CDH18: variants seen among roughly 807,000 people sequenced by gnomAD.
The protein encoded by CDH18 is cadherin 18, also known as cadherin-18.
In CDH18, 31 loss-of-function variants were observed where a neutral mutation model predicts 67.9. The observed-to-expected ratio is 0.46, with a 90% confidence interval of 0.34 to 0.62. The LOEUF is 0.62. CDH18 is among the 20% of genes least tolerant of loss of function. CDH18 has a pLI of 0.01. For missense variants in CDH18, 890 were observed against 975.5 expected (o/e 0.91, Z 1.17); for synonymous variants, 362 against 347.2 (o/e 1.04, Z -0.48).
rs973433331 is a variant in CDH18, at chr5:20,538,018, C to G, written c.-580+37444G>C. 1.4e-4 allele frequency among the ~76,000 whole-genome samples: 21 copies of G among 152,116 alleles called. 1 individual carries two copies. The highest frequency in any genetic ancestry group is 6.2e-4 in the South Asian group (3 of 4,830). On this transcript the variant is annotated intron_variant, in intron 1 of 14. Transcript: ENST00000507958. ...GTATTTTAGAGAGTTAAATTTGCAG[C>G]CCATTCTATTTTTTGATAGGAAATA...
chr5:19,817,583 T>C (rs1779426211), intron 3 of CDH18, among the ~76,000 whole-genome samples: 2 of 152,044 alleles, frequency 1.3e-5, no homozygotes, highest in Admixed American at 6.6e-5. Context: ...AGAATTTGTT[T>C]AATCATTTTA....
chr5:19,753,751 G>A (rs1029659457), intron 3 of CDH18, among the ~76,000 whole-genome samples: 3 of 152,166 alleles, frequency 2.0e-5, no homozygotes, highest in Non-Finnish European at 4.4e-5. Flanking sequence ...TCCTACAAAG[G>A]AAAACCTATC....
chr5:19,669,025 T>C (rs1450249057), intron 5 of CDH18, among the ~76,000 whole-genome samples: 1 of 150,394 alleles, frequency 6.6e-6, no homozygotes, highest in Non-Finnish European at 1.5e-5. Flanking sequence ...ACACTCTGTG[T>C]CTATGTGGAC....
chr5:20,180,351 A>T (rs1737586587), intron 2 of CDH18, among the ~76,000 whole-genome samples: 2 of 152,136 alleles, frequency 1.3e-5, no homozygotes, highest in African/African-American at 4.8e-5. Flanking sequence ...GAGAATTTCT[A>T]GTCTAACCAG....
intron 2 of CDH18, among the ~76,000 whole-genome samples, chr5:19,908,077 G>T (rs981110575): frequency 2.0e-5 from 3 of 151,942 alleles, no homozygotes; most frequent in Non-Finnish European, 4.4e-5. Flanking sequence ...TTTGCTTTGT[G>T]TTTGTATTCT....
upstream of CDH18, among the ~76,000 whole-genome samples, chr5:19,988,741 T>C (rs1038904909): frequency 1.3e-5 from 2 of 152,100 alleles, no homozygotes; most frequent in African/African-American, 4.8e-5. Flanking sequence ...TGCAAAGTCG[T>C]CACAGCCTGC....
rs752467352 is a variant in CDH18 at position 19,650,461 on chromosome 5, C to T, written c.644-37860G>A. ...AATTGATAGGGCTCAATAAATAAGA[C>T]AAATTGAAAAGCAAAAGCTAATATT... On this transcript the variant is annotated intron_variant, in intron 5 of 12. Coordinates refer to ENST00000382275, the MANE Select transcript of CDH18 (RefSeq NM_004934.5). Among the ~76,000 whole-genome samples the T allele has an allele frequency of 1.3e-5, 2 of 151,946 alleles. 1 individual carries two copies. Among genetic ancestry groups the T allele is most frequent in the Non-Finnish European group, 2.9e-5 (2 of 67,904 alleles).
chr5:20,504,340 GAATT>G (rs1256859765), intron 1 of CDH18, among the ~76,000 whole-genome samples: 2 of 152,060 alleles, frequency 1.3e-5, no homozygotes, highest in Non-Finnish European at 2.9e-5. Flanking sequence ...AAACTCATAT[GAATT>G]ATTATAATGC....
chr5:19,585,590 CCT>C (rs1744018054), intron 7 of CDH18, among the ~76,000 whole-genome samples: 1 of 152,110 alleles, frequency 6.6e-6, no homozygotes. Context: ...AATTACTTAT[CCT>C]CTCTTCAGTA....
At position 20,075,335 on chromosome 5, in the gene CDH18, T is replaced by C. The variant is rs1024441933; in HGVS notation, c.-517-83321A>G. On this transcript the variant is annotated intron_variant, in intron 2 of 14. Coordinates refer to the CDH18 transcript ENST00000507958. ...CTGGCCAACATGGTGAAACCCCGTC[T>C]CTACTAAAAATACAAAAATAAGCTG... 3.3e-5 allele frequency among the ~76,000 whole-genome samples: 5 copies of C among 152,072 alleles called. No homozygotes were observed. The East Asian group carries it at 9.6e-4, about 29-fold the overall frequency.
intron 3 of CDH18, among the ~76,000 whole-genome samples, chr5:19,786,947 T>C (rs1775858619): frequency 6.6e-6 from 1 of 152,108 alleles, no homozygotes; most frequent in African/African-American, 2.4e-5. Context: ...TCCAGACCCT[T>C]CGCTGAAAAC....
upstream of CDH18, among the ~76,000 whole-genome samples, chr5:19,990,394 T>C (rs1799915446): frequency 6.6e-6 from 1 of 152,128 alleles, no homozygotes; most frequent in African/African-American, 2.4e-5. Context: ...AAAACCTGTT[T>C]TTGCTGGCCT....
chr5:19,717,970 G>A (rs768014883), intron 5 of CDH18, among the ~76,000 whole-genome samples: 5 of 151,782 alleles, frequency 3.3e-5, no homozygotes, highest in African/African-American at 4.8e-5. Context: ...TTACCTTAAC[G>A]AAAGTCATTA....
intron 2 of CDH18, among the ~76,000 whole-genome samples, chr5:19,995,554 C>G (rs1056686848): frequency 2.7e-5 from 4 of 147,412 alleles, no homozygotes; most frequent in Non-Finnish European, 4.5e-5. Context: ...TACTACCTCA[C>G]TTTTAGACTA....
intron 2 of CDH18, among the ~76,000 whole-genome samples, chr5:20,175,679 G>C (rs13157387): frequency 9.6e-4 from 146 of 152,152 alleles, no homozygotes; most frequent in Non-Finnish European, 1.7e-3. Flanking sequence ...TGAGGAACTT[G>C]GAGTCCTATG....
intron 1 of CDH18, among the ~76,000 whole-genome samples, chr5:20,410,685 T>C (rs554343405): frequency 6.6e-6 from 1 of 151,436 alleles, no homozygotes; most frequent in African/African-American, 2.4e-5. Flanking sequence ...ATAACAGGCA[T>C]CCAAATTAGA....
chr5:20,148,240 C>A (rs1347599087), intron 2 of CDH18, among the ~76,000 whole-genome samples: 1 of 151,736 alleles, frequency 6.6e-6, no homozygotes, highest in Non-Finnish European at 1.5e-5. Flanking sequence ...TACAGACGCC[C>A]ATCACCATAC....
In CDH18 at chr5:20,129,602, C is replaced by G. The variant is rs908548458; in HGVS notation, c.-518+125842G>C. On this transcript the variant is annotated intron_variant, in intron 2 of 14. Transcript: ENST00000507958. ...ATCAGAAGCTTAAAGAGACATCAGGCGATTGGAAACTTACTATTTCTTTGT... is the reference window on the plus strand; with the variant it reads ...ATCAGAAGCTTAAAGAGACATCAGGGGATTGGAAACTTACTATTTCTTTGT... Among the ~76,000 whole-genome samples the G allele has an allele frequency of 2.6e-5, 4 of 151,860 alleles. No homozygotes were observed. In the South Asian group the frequency reaches 8.3e-4, roughly 31 times the overall value.
intron 2 of CDH18, among the ~76,000 whole-genome samples, chr5:20,235,203 C>G (rs748047321): frequency 2.6e-5 from 4 of 152,014 alleles, no homozygotes; most frequent in Non-Finnish European, 4.4e-5. Context: ...AAATGACCTT[C>G]TCAATATTGG....
Sources: allele counts gnomAD v4.1 joint callset (sites outside exome capture counted in the v4.1 genomes callset), GRCh38; gene constraint gnomAD v4.1.1; transcripts MANE v1.5; gene names NCBI Gene and HGNC (gene_info 2026-07-23, HGNC 2026-07-21).